The following RBKS variants were observed in gnomAD, a reference collection of about 807,000 sequenced individuals.
The protein encoded by RBKS is ribokinase.
RBKS carries 33 observed loss-of-function variants against 33.9 expected under a neutral mutation model. The observed-to-expected ratio is 0.97, with a 90% confidence interval of 0.74 to 1.30. The LOEUF is 1.30. Ranked by LOEUF, RBKS falls within the 50% of genes most tolerant of loss-of-function variation. The probability of loss-of-function intolerance (pLI) is 0.00; values close to 1 mark genes in which losing one functional copy is unlikely to be tolerated. For missense variants in RBKS, 361 were observed against 392.6 expected, an observed-to-expected ratio of 0.92 and a Z score of 0.68; for synonymous variants, 125 against 143.0, an observed-to-expected ratio of 0.87 and a Z score of 0.90.
At chr2:27,838,187 T>C (rs907418781) in intron 5 of RBKS, among the ~76,000 whole-genome samples, 1 of 152,082 alleles carries the variant, frequency 6.6e-6, no homozygotes, top group Admixed American at 6.6e-5. Context: ...GCGGGCAGAA[T>C]GAGACTCTAT....
chr2:27,859,865 C>T (rs536546414), intron 1 of RBKS, among the ~76,000 whole-genome samples: 1 of 152,156 alleles, frequency 6.6e-6, no homozygotes, highest in African/African-American at 2.4e-5. Flanking sequence ...TAGAACAGAG[C>T]AATGACAAGT....
intron 2 of RBKS, among the ~76,000 whole-genome samples, chr2:27,856,075 A>G (rs1663851730): frequency 6.6e-6 from 1 of 152,240 alleles, no homozygotes; most frequent in East Asian, 1.9e-4. Context: ...TGATTAATGG[A>G]CAGATAATAA....
At chr2:27,836,407 A>G (rs1318941024) in intron 5 of RBKS, among the ~76,000 whole-genome samples, 2 of 152,200 alleles carry the variant, frequency 1.3e-5, no homozygotes, top group Admixed American at 6.5e-5. Flanking sequence ...AAGACTCCCT[A>G]TTCAATAAAT....
intron 1 of RBKS, among the ~76,000 whole-genome samples, chr2:27,862,013 A>G (rs1663999638): frequency 6.7e-6 from 1 of 150,328 alleles, no homozygotes; most frequent in Non-Finnish European, 1.5e-5. Flanking sequence ...TGGAACACAA[A>G]AATGGCTCAC....
chr2:27,863,902 C>T (rs1664038141), intron 1 of RBKS, among the ~76,000 whole-genome samples: 2 of 152,220 alleles, frequency 1.3e-5, no homozygotes, highest in African/African-American at 4.8e-5. Flanking sequence ...GTAAAAAAAT[C>T]TCCCAACTAA....
intron 1 of RBKS, chr2:27,871,009 C>T (rs541144688): frequency 7.4e-6 from 3 of 402,886 alleles, no homozygotes; most frequent in African/African-American, 6.1e-5. Context: ...GCCTCAATGT[C>T]CTCTGCTATT....
intron 7 of RBKS, among the ~76,000 whole-genome samples, chr2:27,793,432 C>T (rs931801735): frequency 6.6e-6 from 1 of 152,198 alleles, no homozygotes; most frequent in Admixed American, 6.5e-5. Flanking sequence ...ACAGTAGCAT[C>T]ACCAATAAGA....
chr2:27,799,152 A>G (rs1230804597), intron 7 of RBKS, among the ~76,000 whole-genome samples: 1 of 152,184 alleles, frequency 6.6e-6, no homozygotes, highest in Non-Finnish European at 1.5e-5. Flanking sequence ...GAACAGATGC[A>G]TGAAAGTTCT....
chr2:27,805,573 T>C (rs1677880541), intron 7 of RBKS, among the ~76,000 whole-genome samples: 1 of 152,154 alleles, frequency 6.6e-6, no homozygotes, highest in African/African-American at 2.4e-5. Flanking sequence ...TTCTTTTGTA[T>C]TTTTTATTTT....
intron 7 of RBKS, among the ~76,000 whole-genome samples, chr2:27,812,265 T>C (rs1678000723): frequency 6.6e-6 from 1 of 152,204 alleles, no homozygotes; most frequent in Admixed American, 6.5e-5. Flanking sequence ...TTGGTGGGAC[T>C]GTAAACTAGT....
At chr2:27,794,347 T>TAATAATAAA (rs1467387349) in intron 7 of RBKS, among the ~76,000 whole-genome samples, 1 of 143,110 alleles carries the variant, frequency 7.0e-6, no homozygotes, top group Admixed American at 7.0e-5. Flanking sequence ...ATAATAATAA[T>TAATAATAAA]AAAGAAATTT....
intron 3 of RBKS, 91 bp downstream of exon 3, chr2:27,847,943 C>A: frequency 1.4e-6 from 1 of 735,774 alleles, no homozygotes; most frequent in South Asian, 1.6e-5. Flanking sequence ...AGGGGAAGGT[C>A]TAATAATCCT....
rs1479981482 is a variant in RBKS at position 27,816,071 on chromosome 2, GGAC to G, written c.795+11493_795+11495del. Among the ~76,000 whole-genome samples, 9 of 152,290 alleles carry G rather than the reference GGAC, an allele frequency of 5.9e-5. No individual in the cohort carries two copies. The South Asian group carries it at 1.9e-3, about 32-fold the overall frequency. On this transcript the variant is annotated intron_variant, in intron 7 of 7. Transcript: ENST00000302188. ...ATGTACACGCATGTCCAGGTCTGTGGGACAGTACCTTGGGAAAATGGAAAAAAC... is the reference window on the plus strand; with the variant it reads ...ATGTACACGCATGTCCAGGTCTGTGGAGTACCTTGGGAAAATGGAAAAAAC...
intron 7 of RBKS, among the ~76,000 whole-genome samples, chr2:27,818,462 A>C (rs935075932): frequency 2.0e-5 from 3 of 152,306 alleles, no homozygotes; most frequent in Non-Finnish European, 4.4e-5. Flanking sequence ...TAGCAAGTAC[A>C]TGGGTGTTGG....
intron 1 of RBKS, among the ~76,000 whole-genome samples, chr2:27,873,029 G>C (rs935179526): frequency 6.6e-6 from 1 of 152,194 alleles, no homozygotes; most frequent in African/African-American, 2.4e-5. Context: ...GAGGAGGGCA[G>C]TGGGGCCAGG....
intron 7 of RBKS, among the ~76,000 whole-genome samples, chr2:27,821,341 C>T (rs1678202065): frequency 6.6e-6 from 1 of 151,832 alleles, no homozygotes; most frequent in Non-Finnish European, 1.5e-5. Flanking sequence ...TAGGGAAATA[C>T]TTGATTTTTT....
intron 7 of RBKS, among the ~76,000 whole-genome samples, chr2:27,819,954 G>A (rs1310930935): frequency 3.9e-5 from 6 of 152,172 alleles, no homozygotes; most frequent in Non-Finnish European, 8.8e-5. Flanking sequence ...GGAAGGTAAT[G>A]GAGATCTAAG....
intron 5 of RBKS, among the ~76,000 whole-genome samples, chr2:27,841,833 T>TA (rs905549115): frequency 5.3e-5 from 8 of 152,100 alleles, no homozygotes; most frequent in African/African-American, 1.9e-4. Flanking sequence ...TTTTATTCTT[T>TA]AAAAAAATCA....
Position 27,840,390 on chromosome 2 carries a change from A to G in RBKS, c.514+2677T>C, listed in dbSNP as rs1341547781. 4.6e-5 allele frequency among the ~76,000 whole-genome samples: 7 copies of G among 150,606 alleles called. No individual in the cohort carries two copies. In the East Asian group the frequency reaches 1.2e-3, roughly 25 times the overall value. ...CACACACACACACACACACACACAC[A>G]CACACCCTCCTCATGGAATAGAATC... is the stretch of plus-strand genomic sequence containing the variant. On this transcript the variant is annotated intron_variant, in intron 5 of 7. Transcript: ENST00000302188.
Sources: allele counts gnomAD v4.1 joint callset (sites outside exome capture counted in the v4.1 genomes callset), GRCh38; gene constraint gnomAD v4.1.1; transcripts MANE v1.5; gene names NCBI Gene and HGNC (gene_info 2026-07-23, HGNC 2026-07-21).